PHTF2: variants seen among roughly 807,000 people sequenced by gnomAD.
The protein encoded by PHTF2 is putative homeodomain transcription factor 2.
A neutral mutation model predicts 101.2 loss-of-function variants in PHTF2; 60 were observed. The observed-to-expected ratio is 0.59, with a 90% CI of 0.48 to 0.73. The LOEUF is 0.73. Among genes scored for constraint, PHTF2 ranks in the 30% least tolerant of loss-of-function variants. PHTF2 has a pLI of 0.00. For synonymous variants in PHTF2, 311 were observed against 307.3 expected (o/e 1.01, Z -0.13); for missense variants, 747 against 908.7 (o/e 0.82, Z 2.29).
intron 3 of PHTF2, among the ~76,000 whole-genome samples, chr7:77,872,483 C>T (rs1199685927): frequency 6.6e-6 from 1 of 152,230 alleles, no homozygotes; most frequent in Non-Finnish European, 1.5e-5. Context: ...CTACATGAGT[C>T]AGACTATTCT....
chr7:77,940,049 G>T, exon 14 of PHTF2: 1 of 1,613,120 alleles, frequency 6.2e-7, no homozygotes, highest in East Asian at 2.2e-5. Context: ...CATATACCAG[G>T]AATAGGATAC....
chr7:77,888,713 T>G (rs1215005197), intron 3 of PHTF2, among the ~76,000 whole-genome samples: 1 of 152,248 alleles, frequency 6.6e-6, no homozygotes, highest in Non-Finnish European at 1.5e-5. Context: ...CTGAGTTTTC[T>G]TTCACAGAGA....
At chr7:77,883,583 A>G (rs1371595340) in intron 3 of PHTF2, among the ~76,000 whole-genome samples, 1 of 152,192 alleles carries the variant, frequency 6.6e-6, no homozygotes, top group Non-Finnish European at 1.5e-5. Flanking sequence ...TATCTTGGCA[A>G]ATGTGATCCT....
At chr7:77,917,896 G>A (rs1362748292) in intron 9 of PHTF2, among the ~76,000 whole-genome samples, 1 of 152,176 alleles carries the variant, frequency 6.6e-6, no homozygotes, top group Non-Finnish European at 1.5e-5. Context: ...GGGTTCATGA[G>A]AAGCATCAAA....
intron 12 of PHTF2, among the ~76,000 whole-genome samples, chr7:77,937,209 A>G (rs990131060): frequency 1.3e-5 from 2 of 152,210 alleles, no homozygotes; most frequent in South Asian, 2.1e-4. Flanking sequence ...CTAGCACTAT[A>G]TGGTCTTTCA....
intron 3 of PHTF2, among the ~76,000 whole-genome samples, chr7:77,861,664 T>C (rs1253570534): frequency 1.3e-5 from 2 of 152,250 alleles, no homozygotes; most frequent in African/African-American, 4.8e-5. Context: ...GGCTCATGCC[T>C]GTAATTCCAG....
At chr7:77,918,287 C>CT (rs1231992329) in intron 9 of PHTF2, among the ~76,000 whole-genome samples, 1 of 152,112 alleles carries the variant, frequency 6.6e-6, no homozygotes, top group Non-Finnish European at 1.5e-5. Flanking sequence ...ACTATTTCTA[C>CT]TTTGACTGCT....
rs1803695447 is a variant in PHTF2 at position 77,923,703 on chromosome 7, T to G, written c.1119+925T>G. Reference sequence around the variant, plus strand: ...TGTTCCTAAGCCAGATAACCAAGCTTGTAAAATTTTGTCTTACTGTATGTA... The same window carrying G: ...TGTTCCTAAGCCAGATAACCAAGCTGGTAAAATTTTGTCTTACTGTATGTA... On this transcript the variant is annotated intron_variant, in intron 11 of 19. Transcript: ENST00000416283. 7.1e-6 allele frequency: 7 copies of G among 985,322 alleles called. No homozygotes were observed. The South Asian group carries it at 2.3e-4, about 33-fold the overall frequency. The allele number at this position is 985,322 out of a possible 1,614,324, so 61.0% of individuals were successfully genotyped here.
chr7:77,930,367 AC>A (rs1363274506), intron 12 of PHTF2, among the ~76,000 whole-genome samples: 3 of 152,108 alleles, frequency 2.0e-5, no homozygotes, highest in African/African-American at 7.2e-5. Context: ...CTCAAATTTA[AC>A]CAGTCCTCCC....
intron 5 of PHTF2, among the ~76,000 whole-genome samples, chr7:77,899,628 G>T (rs980283003): frequency 6.6e-6 from 1 of 152,044 alleles, no homozygotes; most frequent in Non-Finnish European, 1.5e-5. Flanking sequence ...GTTTCAGGGC[G>T]CATTTTTGGT....
chr7:77,853,096 T>G (rs1796895954), intron 2 of PHTF2, among the ~76,000 whole-genome samples: 1 of 152,174 alleles, frequency 6.6e-6, no homozygotes, highest in African/African-American at 2.4e-5. Flanking sequence ...TACGACCTTC[T>G]TATACTTGAA....
intron 2 of PHTF2, among the ~76,000 whole-genome samples, chr7:77,841,592 A>G (rs986729158): frequency 1.5e-4 from 23 of 152,190 alleles, no homozygotes; most frequent in Middle Eastern, 3.4e-3. Context: ...AACCTCCCTT[A>G]GTAGATGGCA....
At chr7:77,830,381 G>T (rs1794986913) in intron 1 of PHTF2, among the ~76,000 whole-genome samples, 1 of 152,160 alleles carries the variant, frequency 6.6e-6, no homozygotes, top group Admixed American at 6.5e-5. Context: ...GTTGGTCTGC[G>T]GCCTGGTAGG....
chr7:77,896,811 C>G (rs1394972830), intron 5 of PHTF2, among the ~76,000 whole-genome samples: 1 of 151,964 alleles, frequency 6.6e-6, no homozygotes, highest in Non-Finnish European at 1.5e-5. Context: ...AACAGTGTAC[C>G]AAATGTATTG....
chr7:77,810,771 C>G (rs982471462), intron 1 of PHTF2, among the ~76,000 whole-genome samples: 8 of 152,144 alleles, frequency 5.3e-5, no homozygotes, highest in African/African-American at 1.7e-4. Flanking sequence ...CTCCTGACCT[C>G]AGGTGATCCA....
At chr7:77,809,298 C>T (rs938614989) in intron 1 of PHTF2, among the ~76,000 whole-genome samples, 2 of 141,048 alleles carry the variant, frequency 1.4e-5, no homozygotes, top group Admixed American at 1.5e-4. Context: ...GCGATCTTGG[C>T]TCACTGCAAC....
At chr7:77,880,258 C>T (rs886585217) in intron 3 of PHTF2, among the ~76,000 whole-genome samples, 5 of 152,124 alleles carry the variant, frequency 3.3e-5, no homozygotes, top group East Asian at 1.9e-4. Context: ...AAATAGCATT[C>T]GTTAAGTTGT....
chr7:77,880,390 T>C (rs570084774), intron 3 of PHTF2, among the ~76,000 whole-genome samples: 7 of 152,170 alleles, frequency 4.6e-5, no homozygotes, highest in Non-Finnish European at 1.0e-4. Context: ...CATTCTCCCA[T>C]CTTAGCTGCC....
At chr7:77,895,090 A>G (rs534565985) in intron 5 of PHTF2, 9 of 448,570 alleles carry the variant, frequency 2.0e-5, no homozygotes, top group Admixed American at 1.9e-4. Context: ...ATGATAGGAA[A>G]TACTGGAAGA....
Sources: allele counts gnomAD v4.1 joint callset (sites outside exome capture counted in the v4.1 genomes callset), GRCh38; gene constraint gnomAD v4.1.1; transcripts MANE v1.5; gene names NCBI Gene and HGNC (gene_info 2026-07-23, HGNC 2026-07-21).